The following CNTNAP2 variants were observed in gnomAD, a reference collection of about 807,000 sequenced individuals.
The protein encoded by CNTNAP2 is contactin associated protein 2.
Under a neutral mutation model 155.2 loss-of-function variants are expected in CNTNAP2, and 98 were observed. The observed-to-expected ratio is 0.63, with a 90% CI of 0.54 to 0.75. The LOEUF (loss-of-function observed/expected upper bound fraction) is 0.75, where lower values mean the gene tolerates loss of function less well. CNTNAP2 is among the 30% of genes least tolerant of loss of function. The pLI is 0.00. For missense variants in CNTNAP2, 1,727 were observed against 1,688.1 expected, an observed-to-expected ratio of 1.02 and a Z score of -0.40; for synonymous variants, 651 against 631.2, an observed-to-expected ratio of 1.03 and a Z score of -0.47.
chr7:147,995,659 G>A (rs370237993), intron 15 of CNTNAP2, among the ~76,000 whole-genome samples: 9 of 151,690 alleles, frequency 5.9e-5, no homozygotes, highest in East Asian at 1.9e-4. Flanking sequence ...GACTACAGGC[G>A]CCCGCCACCA....
intron 9 of CNTNAP2, among the ~76,000 whole-genome samples, chr7:147,319,343 G>T (rs980705464): frequency 2.0e-5 from 3 of 152,092 alleles, no homozygotes; most frequent in Non-Finnish European, 4.4e-5. Context: ...TAAATACATT[G>T]TTTCTTTTAT....
At chr7:147,592,814 C>T (rs984925613) in intron 12 of CNTNAP2, among the ~76,000 whole-genome samples, 1 of 152,060 alleles carries the variant, frequency 6.6e-6, no homozygotes, top group Admixed American at 6.6e-5. Context: ...AGGTCTAGGC[C>T]CTAAGGACAA....
At chr7:148,061,022 T>C (rs74417130) in intron 15 of CNTNAP2, among the ~76,000 whole-genome samples, 1,733 of 152,364 alleles carry the variant, frequency 0.011, 33 homozygotes, top group African/African-American at 0.039. Flanking sequence ...AAAAGGTTTT[T>C]CATTAAAGCA....
At chr7:147,661,349 G>A (rs893045696) in intron 13 of CNTNAP2, among the ~76,000 whole-genome samples, 12 of 152,062 alleles carry the variant, frequency 7.9e-5, no homozygotes, top group African/African-American at 2.7e-4. Context: ...CTAATGAAGT[G>A]TTTAGCCCAA....
At chr7:147,421,587 G>C (rs1335484542) in intron 10 of CNTNAP2, among the ~76,000 whole-genome samples, 1 of 148,798 alleles carries the variant, frequency 6.7e-6, no homozygotes, top group Non-Finnish European at 1.5e-5. Context: ...TATCTAATCT[G>C]TGTGTGTGTG....
chr7:147,390,522 C>T (rs975722626), intron 9 of CNTNAP2, among the ~76,000 whole-genome samples: 5 of 152,068 alleles, frequency 3.3e-5, no homozygotes, highest in Admixed American at 2.0e-4. Flanking sequence ...ATTAGAGGCT[C>T]CATTTCAAGA....
chr7:147,593,505 A>G lies in CNTNAP2; in HGVS notation c.1897+31248A>G, dbSNP rs537008972. ...AAGACTTGGGTTCTGTCCCCCTTTT[A>G]CCACTTACCATCTGTTTAACCTTGG... On this transcript the variant is annotated intron_variant, in intron 12 of 23. Coordinates refer to ENST00000361727, the MANE Select transcript of CNTNAP2 (RefSeq NM_014141.6). Among the ~76,000 whole-genome samples the G allele has an allele frequency of 5.5e-4, 83 of 152,074 alleles. 3 individuals are homozygous for G. The South Asian group carries it at 0.017, about 31-fold the overall frequency.
At chr7:148,316,676 A>C (rs909699516) in intron 21 of CNTNAP2, among the ~76,000 whole-genome samples, 6 of 152,258 alleles carry the variant, frequency 3.9e-5, no homozygotes, top group African/African-American at 1.2e-4. Context: ...AGAAGTAAAA[A>C]TATCAATCAC....
rs769984747 is a variant in CNTNAP2 at position 148,172,332 on chromosome 7, T to C, written c.2864T>C (p.Val955Ala). Reference sequence around the variant, plus strand: ...CTTGACCTGGAGGAAAGAGCAAAGGTCACATCTGGGTTCATATCCGGATGC... The same window carrying C: ...CTTGACCTGGAGGAAAGAGCAAAGGCCACATCTGGGTTCATATCCGGATGC... ...VTLDLEERAK[V>A]TSGFISGCSG... Residue 955 changes from valine to alanine, a missense_variant, in exon 18 of 24, where the codon GTC becomes GCC. By Grantham distance (64) the Val-to-Ala change is moderately conservative. Transcript: ENST00000361727. 2 of 1,613,994 alleles carry C rather than the reference T, an allele frequency of 1.2e-6. No individual in the cohort carries two copies. Among genetic ancestry groups the C allele is most frequent in the East Asian group, 4.5e-5 (2 of 44,872 alleles).
chr7:147,071,683 G>A (rs1799894988), intron 4 of CNTNAP2, among the ~76,000 whole-genome samples: 1 of 152,178 alleles, frequency 6.6e-6, no homozygotes, highest in South Asian at 2.1e-4. Context: ...AGTGAGACAT[G>A]TGGAAAAGAA....
intron 1 of CNTNAP2, among the ~76,000 whole-genome samples, chr7:146,216,086 A>G (rs1799108070): frequency 1.3e-5 from 2 of 152,186 alleles, no homozygotes; most frequent in African/African-American, 4.8e-5. Context: ...CCATATGTCA[A>G]TGCCATTGGT....
intron 12 of CNTNAP2, among the ~76,000 whole-genome samples, chr7:147,608,490 C>CAT (rs1183865450): frequency 6.6e-6 from 1 of 151,826 alleles, no homozygotes; most frequent in African/African-American, 2.4e-5. Context: ...TTTGGAAAGA[C>CAT]AGAGTCTCAC....
chr7:147,956,414 A>C (rs1020466985), intron 14 of CNTNAP2, among the ~76,000 whole-genome samples: 4 of 152,208 alleles, frequency 2.6e-5, no homozygotes, highest in African/African-American at 9.6e-5. Context: ...ATCCAAAAGA[A>C]AGATGTACAT....
At position 147,673,345 on chromosome 7, in the gene CNTNAP2, G is replaced by A. The variant is rs529658728; in HGVS notation, c.2098+34039G>A. On this transcript the variant is annotated intron_variant, in intron 13 of 23. Transcript: ENST00000361727. ...GATTATCATTCATGTTCTGAGCGCT[G>A]TGCTATTACATACATTATTTTATTT... Among the ~76,000 whole-genome samples, 16 of 152,276 alleles carry A rather than the reference G, an allele frequency of 1.1e-4. No individual in the cohort carries two copies. In the East Asian group the frequency reaches 2.9e-3, roughly 28 times the overall value.
intron 5 of CNTNAP2, among the ~76,000 whole-genome samples, chr7:147,119,935 G>A (rs1801068856): frequency 6.6e-6 from 1 of 152,092 alleles, no homozygotes; most frequent in Non-Finnish European, 1.5e-5. Context: ...CAACATAGAT[G>A]AAACAAACTA....
At chr7:147,852,063 C>T (rs1040676471) in intron 13 of CNTNAP2, among the ~76,000 whole-genome samples, 1 of 152,110 alleles carries the variant, frequency 6.6e-6, no homozygotes, top group Admixed American at 6.6e-5. Context: ...ATATTGCGAC[C>T]TTAATTTTTA....
At chr7:146,771,371 T>C (rs1173279843) in intron 1 of CNTNAP2, among the ~76,000 whole-genome samples, 2 of 152,130 alleles carry the variant, frequency 1.3e-5, no homozygotes, top group East Asian at 3.9e-4. Flanking sequence ...TTAGAAGGAA[T>C]GTTTACTCCA....
intron 15 of CNTNAP2, among the ~76,000 whole-genome samples, chr7:148,005,755 C>T (rs577988741): frequency 6.6e-6 from 1 of 152,290 alleles, no homozygotes; most frequent in South Asian, 2.1e-4. Flanking sequence ...CAGTCAGCTA[C>T]TGAGGGTCCT....
intron 1 of CNTNAP2, among the ~76,000 whole-genome samples, chr7:146,585,741 AAAG>A (rs1798680022): frequency 7.2e-6 from 1 of 138,394 alleles, no homozygotes; most frequent in Admixed American, 6.9e-5. Context: ...AAAGAAAGAA[AAAG>A]AAAGAAGGAA....
Sources: gnomAD v4.1 joint callset for allele counts (sites outside exome capture counted in the v4.1 genomes callset) on GRCh38, gnomAD v4.1.1 for gene constraint, MANE v1.5 for transcripts, NCBI Gene and HGNC (gene_info 2026-07-23, HGNC 2026-07-21) for gene names.